CDH18: variants seen among roughly 807,000 people sequenced by gnomAD.
CDH18 encodes cadherin-18.
In CDH18, 31 loss-of-function variants were observed where a neutral mutation model predicts 67.9. That is an observed-to-expected ratio of 0.46 (90% confidence interval 0.34 to 0.62). The LOEUF (loss-of-function observed/expected upper bound fraction) is 0.62. Among genes scored for constraint, CDH18 ranks in the 20% least tolerant of loss-of-function variants. The pLI is 0.01. For missense variants in CDH18, 890 were observed against 975.5 expected (o/e 0.91, Z 1.17); for synonymous variants, 362 against 347.2 (o/e 1.04, Z -0.48).
chr5:19,860,343 C>T (rs535756750), intron 2 of CDH18, among the ~76,000 whole-genome samples: 1 of 151,782 alleles, frequency 6.6e-6, no homozygotes, highest in South Asian at 2.1e-4. Context: ...TTTCATTCTA[C>T]ATCTCCAAAT....
chr5:19,705,978 T>C (rs1458764296), intron 5 of CDH18, among the ~76,000 whole-genome samples: 1 of 152,208 alleles, frequency 6.6e-6, no homozygotes, highest in East Asian at 1.9e-4. Context: ...ATGGGTCTAG[T>C]AATGGTAAAG....
intron 1 of CDH18, among the ~76,000 whole-genome samples, chr5:20,351,208 T>C (rs572009425): frequency 4.3e-4 from 61 of 140,932 alleles, no homozygotes; most frequent in Admixed American, 3.7e-3. Flanking sequence ...GTGTTATTGC[T>C]TATTTTGTCT....
chr5:20,062,607 C>G (rs1293820971), intron 2 of CDH18, among the ~76,000 whole-genome samples: 1 of 152,096 alleles, frequency 6.6e-6, no homozygotes, highest in African/African-American at 2.4e-5. Flanking sequence ...ACTGAACTGT[C>G]TTATAAGCTA....
At chr5:19,711,389 C>T (rs996132445) in intron 5 of CDH18, among the ~76,000 whole-genome samples, 1 of 151,458 alleles carries the variant, frequency 6.6e-6, no homozygotes, top group Non-Finnish European at 1.5e-5. Flanking sequence ...GCATACAACT[C>T]ATAAACTACA....
chr5:19,816,018 A>G (rs1441170981), intron 3 of CDH18, among the ~76,000 whole-genome samples: 2 of 151,962 alleles, frequency 1.3e-5, no homozygotes, highest in Non-Finnish European at 2.9e-5. Context: ...AGTTATAAAC[A>G]GATACACCAT....
At chr5:19,766,262 AAG>A (rs1773082644) in intron 3 of CDH18, among the ~76,000 whole-genome samples, 2 of 152,188 alleles carry the variant, frequency 1.3e-5, no homozygotes, top group African/African-American at 2.4e-5. Flanking sequence ...GTATCAGAGT[AAG>A]AAGCTGGCAC....
intron 7 of CDH18, among the ~76,000 whole-genome samples, chr5:19,575,332 T>C (rs953065241): frequency 3.9e-5 from 6 of 152,228 alleles, no homozygotes; most frequent in East Asian, 3.9e-4. Context: ...ATGATGGTGG[T>C]TGGTATCAAA....
At chr5:19,835,501 G>GA (rs576787433) in intron 3 of CDH18, among the ~76,000 whole-genome samples, 3 of 150,778 alleles carry the variant, frequency 2.0e-5, no homozygotes, top group Admixed American at 6.6e-5. Context: ...AAGAAATAAA[G>GA]AAAAAAAAGA....
chr5:20,533,684 T>C (rs190347008), intron 1 of CDH18, among the ~76,000 whole-genome samples: 2 of 152,250 alleles, frequency 1.3e-5, no homozygotes, highest in East Asian at 3.9e-4. Flanking sequence ...AAGTTGAGTA[T>C]ATCTCCTTTT....
At chr5:20,095,903 C>A (rs1745950546) in intron 2 of CDH18, among the ~76,000 whole-genome samples, 3 of 151,034 alleles carry the variant, frequency 2.0e-5, no homozygotes, top group Admixed American at 6.6e-5. Flanking sequence ...TAAGTATTAG[C>A]AGATTGGATG....
At chr5:19,879,092 C>T (rs138682226) in intron 2 of CDH18, among the ~76,000 whole-genome samples, 1 of 151,922 alleles carries the variant, frequency 6.6e-6, no homozygotes, top group Non-Finnish European at 1.5e-5. Flanking sequence ...GAATAATACT[C>T]TAATCTAAGC....
rs190342977 is a variant in CDH18 at position 20,508,569 on chromosome 5, G to A, written c.-580+66893C>T. On this transcript the variant is annotated intron_variant, in intron 1 of 14. Transcript: ENST00000507958. ...ACATTGGGAGATTTTATTTTAGGTG[G>A]GAAATATTTCAAAATTCATTTACCC... Among the ~76,000 whole-genome samples the A allele has an allele frequency of 3.3e-5, 5 of 151,188 alleles. No individual in the cohort carries two copies. In the East Asian group the frequency reaches 9.7e-4, roughly 29 times the overall value.
intron 5 of CDH18, among the ~76,000 whole-genome samples, chr5:19,678,017 A>T (rs1362348854): frequency 6.6e-6 from 1 of 151,856 alleles, no homozygotes; most frequent in Non-Finnish European, 1.5e-5. Flanking sequence ...ACCTACAAAG[A>T]CTTAATAGTG....
intron 1 of CDH18, among the ~76,000 whole-genome samples, chr5:20,411,033 T>C (rs1285813939): frequency 6.6e-6 from 1 of 152,002 alleles, no homozygotes; most frequent in Non-Finnish European, 1.5e-5. Context: ...CTGCACTGTT[T>C]AAATCAATCT....
rs183968212 is a variant in CDH18 at position 20,137,538 on chromosome 5, T to C, written c.-518+117906A>G. ...TGTAATGGGTTCGAAAATCCTCCTT[T>C]AGCTCAGAGGAGTTTGTTATTACTG... is the stretch of plus-strand genomic sequence containing the variant. On this transcript the variant is annotated intron_variant, in intron 2 of 14. Coordinates refer to the CDH18 transcript ENST00000507958. Among the ~76,000 whole-genome samples, 8 of 152,214 alleles carry C rather than the reference T, an allele frequency of 5.3e-5. No individual in the cohort carries two copies. In the East Asian group the frequency reaches 7.8e-4, roughly 15 times the overall value.
chr5:19,880,369 G>A (rs754812484), intron 2 of CDH18, among the ~76,000 whole-genome samples: 9 of 151,944 alleles, frequency 5.9e-5, no homozygotes, highest in Non-Finnish European at 1.2e-4. Flanking sequence ...AATGCAAATC[G>A]AGTAATTTTA....
chr5:20,244,770 C>G (rs1743247415), intron 2 of CDH18, among the ~76,000 whole-genome samples: 1 of 151,986 alleles, frequency 6.6e-6, no homozygotes, highest in South Asian at 2.1e-4. Flanking sequence ...CATGTTGTTG[C>G]TTGTAATGTC....
At chr5:20,262,224 G>T (rs369891551) in intron 1 of CDH18, among the ~76,000 whole-genome samples, 5 of 152,138 alleles carry the variant, frequency 3.3e-5, no homozygotes, top group Non-Finnish European at 5.9e-5. Context: ...AATTGGGAGA[G>T]AATTTTAATG....
intron 2 of CDH18, among the ~76,000 whole-genome samples, chr5:20,225,190 T>C (rs554061062): frequency 6.6e-6 from 1 of 152,212 alleles, no homozygotes; most frequent in South Asian, 2.1e-4. Context: ...GTGTACCTTA[T>C]TTCTCTGTTG....
Sources: gnomAD v4.1 joint callset for allele counts (sites outside exome capture counted in the v4.1 genomes callset) on GRCh38, gnomAD v4.1.1 for gene constraint, MANE v1.5 for transcripts, NCBI Gene and HGNC (gene_info 2026-07-23, HGNC 2026-07-21) for gene names.